Variants in PEX13 observed in about 807,000 individuals in gnomAD.
The protein encoded by PEX13 is peroxisomal biogenesis factor 13, also known as peroxisome biogenesis factor 13.
A neutral mutation model predicts 34.5 loss-of-function variants in PEX13; 28 were observed. The observed-to-expected ratio is 0.81, with a 90% confidence interval of 0.60 to 1.11. The LOEUF (loss-of-function observed/expected upper bound fraction) is 1.11. PEX13 is among the 50% of genes most tolerant of loss of function. The pLI, the probability that PEX13 is intolerant of heterozygous loss-of-function variation, is 0.00. For synonymous variants in PEX13, 177 were observed against 175.1 expected (o/e 1.01, Z -0.09); for missense variants, 550 against 491.0 (o/e 1.12, Z -1.13).
chr2:61,036,445 A>T (rs1680536919), intron 2 of PEX13, among the ~76,000 whole-genome samples: 1 of 152,240 alleles, frequency 6.6e-6, no homozygotes, highest in South Asian at 2.1e-4. Context: ...CAGAAACCCT[A>T]CAAGCCAGAA....
chr2:61,031,446 G>T lies in PEX13; in HGVS notation c.120G>T (p.Met40Ile), dbSNP rs1403355155. 3.7e-6 allele frequency: 6 copies of T among 1,613,972 alleles called. No homozygotes were observed. Among genetic ancestry groups the T allele is most frequent in the Non-Finnish European group, 5.1e-6 (6 of 1,179,976 alleles). Reference protein sequence around the residue: ...FQSADLGPTLMTRPGQPALTR... With the variant: ...FQSADLGPTLITRPGQPALTR... ...CTGCTGATTTGGGTCCTACTTTAAT[G>T]ACAAGACCTGGACAACCAGCACTTA... The change falls in exon 2 of 4, where the codon ATG becomes ATT. Residue 40 changes from methionine (M) to isoleucine (I), a missense_variant. Physicochemically the swap from Met to Ile is conservative, Grantham distance 10 (BLOSUM62 1). Transcript: ENST00000295030.
At chr2:61,032,678 T>C (rs1680471963) in intron 2 of PEX13, among the ~76,000 whole-genome samples, 1 of 152,198 alleles carries the variant, frequency 6.6e-6, no homozygotes, top group South Asian at 2.1e-4. Flanking sequence ...CCAGGACTGG[T>C]TGAATGTTAA....
At chr2:61,027,374 A>C (rs565705124) in intron 1 of PEX13, among the ~76,000 whole-genome samples, 2 of 151,390 alleles carry the variant, frequency 1.3e-5, no homozygotes, top group Admixed American at 6.6e-5. Context: ...CACACACACA[A>C]AAACAGCGAG....
chr2:61,041,486 T>G (rs903194191), intron 2 of PEX13, among the ~76,000 whole-genome samples: 1 of 152,172 alleles, frequency 6.6e-6, no homozygotes, highest in African/African-American at 2.4e-5. Context: ...TGATGAATGA[T>G]GTAAGGTTCT....
intron 2 of PEX13, among the ~76,000 whole-genome samples, chr2:61,034,383 C>A (rs1379568455): frequency 6.6e-6 from 1 of 152,222 alleles, no homozygotes; most frequent in East Asian, 1.9e-4. Flanking sequence ...CAGCTCCCAG[C>A]AAGATCGACG....
chr2:61,026,469 A>G (rs1680357281), intron 1 of PEX13, among the ~76,000 whole-genome samples: 1 of 146,778 alleles, frequency 6.8e-6, no homozygotes, highest in South Asian at 2.1e-4. Context: ...TGCCTCAGCC[A>G]CCCGAGGAGC....
In PEX13 at chr2:61,046,849, T is replaced by C. The variant is rs575403131; in HGVS notation, c.913+998T>C. ...CATTTTTTGCAGGGAAGAAATACTT[T>C]CAATGTTCAAATCATTACTATGTAA... On this transcript the variant is annotated intron_variant, in intron 3 of 3. Coordinates refer to ENST00000295030, the MANE Select transcript of PEX13 (RefSeq NM_002618.4). 2.0e-5 allele frequency among the ~76,000 whole-genome samples: 3 copies of C among 152,332 alleles called. No homozygotes were observed. The East Asian group carries it at 5.8e-4, about 29-fold the overall frequency.
At chr2:61,042,050 C>CAA (rs1680634157) in intron 2 of PEX13, among the ~76,000 whole-genome samples, 1 of 152,192 alleles carries the variant, frequency 6.6e-6, no homozygotes, top group Non-Finnish European at 1.5e-5. Context: ...ATCTGGCCTG[C>CAA]TCCTATTTTT....
chr2:61,037,307 C>T (rs572303131), intron 2 of PEX13, among the ~76,000 whole-genome samples: 26 of 152,312 alleles, frequency 1.7e-4, no homozygotes, highest in Middle Eastern at 3.4e-3. Context: ...CCCAAATCAA[C>T]AGAGTATACA....
rs1278142700 is a variant in PEX13, at chr2:61,051,988, T to C, written c.*3218T>C. The C allele has an allele frequency of 1.3e-5, 2 of 152,364 alleles. No individual in the cohort carries two copies. Among genetic ancestry groups the C allele is most frequent in the African/African-American group, 4.8e-5 (2 of 41,462 alleles). The allele number at this position is 152,364 out of a possible 1,614,324, so 9.4% of individuals were successfully genotyped here. A position where few individuals can be genotyped will look rare whatever the true frequency, so the allele number is the denominator to read the frequency against. On this transcript the variant is annotated 3_prime_UTR_variant, in exon 4 of 4. Transcript: ENST00000295030. ...TGGAGAAATAAAAATATGTTAAACT[T>C]GATTGACTTTTTAAGATAAATTGTT...
intron 1 of PEX13, among the ~76,000 whole-genome samples, chr2:61,027,285 G>A (rs1342548395): frequency 5.3e-5 from 8 of 150,472 alleles, no homozygotes; most frequent in Non-Finnish European, 1.0e-4. Context: ...GTTGCAGTGA[G>A]CCGTGATTGC....
Position 61,051,890 on chromosome 2 carries a change from T to C in PEX13, c.*3120T>C, listed in dbSNP as rs1405789112. The C allele has an allele frequency of 6.6e-6, 1 of 152,376 alleles. No individual in the cohort carries two copies. The highest frequency in any genetic ancestry group is 1.5e-5 in the Non-Finnish European group (1 of 68,046). The allele number at this position is 152,376 out of a possible 1,614,324, so 9.4% of individuals were successfully genotyped here. A position where few individuals can be genotyped will look rare whatever the true frequency, so the allele number is the denominator to read the frequency against. ...CAGCTATCCTTTATCTTGTGCTTTC[T>C]TTAATAGAAAAATGAACAGAAACTG... On this transcript the variant is annotated 3_prime_UTR_variant, in exon 4 of 4. Transcript: ENST00000295030.
chr2:61,047,248 C>T (rs982283954), intron 3 of PEX13, among the ~76,000 whole-genome samples: 12 of 152,084 alleles, frequency 7.9e-5, no homozygotes, highest in East Asian at 3.9e-4. Context: ...CTCCGCCTCC[C>T]GGGTTCAAGT....
rs1299141329 is a variant in PEX13 at position 61,031,865 on chromosome 2, C to G, written c.539C>G (p.Ser180Ter). ...RLKIHFTKVF[S>*]AFALVRTIRY... ...AAAATACACTTTACAAAAGTGTTTT[C>G]AGCTTTTGCATTGGTTAGGACTATA... The change falls in exon 2 of 4, where the codon TCA becomes TGA. Residue 180 changes from serine to a stop codon, truncating the protein, a stop_gained. Coordinates refer to ENST00000295030, the MANE Select transcript of PEX13 (RefSeq NM_002618.4). LOFTEE classifies it high-confidence loss of function. 6.2e-7 allele frequency: 1 copy of G among 1,612,004 alleles called. No individual in the cohort carries two copies. The highest frequency in any genetic ancestry group is 1.1e-5 in the South Asian group (1 of 91,048).
intron 1 of PEX13, among the ~76,000 whole-genome samples, chr2:61,021,191 A>T (rs1479288387): frequency 1.3e-5 from 2 of 152,156 alleles, no homozygotes; most frequent in Non-Finnish European, 2.9e-5. Flanking sequence ...CACCCCATGG[A>T]GGGTGAGCCA....
intron 2 of PEX13, among the ~76,000 whole-genome samples, chr2:61,034,262 G>C (rs758270845): frequency 1.6e-4 from 25 of 152,182 alleles, no homozygotes; most frequent in Non-Finnish European, 3.2e-4. Flanking sequence ...CTCCCAAAGT[G>C]CTAGGATTAC....
chr2:61,019,373 G>A (rs1004336988), intron 1 of PEX13, among the ~76,000 whole-genome samples: 1 of 151,760 alleles, frequency 6.6e-6, no homozygotes, highest in Non-Finnish European at 1.5e-5. Flanking sequence ...ATTTTTCACT[G>A]TGTGGCTTCT....
intron 1 of PEX13, among the ~76,000 whole-genome samples, chr2:61,022,601 G>A (rs960674130): frequency 1.1e-4 from 16 of 152,284 alleles, no homozygotes; most frequent in Non-Finnish European, 2.4e-4. Flanking sequence ...AGTTGGAGTG[G>A]TTCACATTTG....
At chr2:61,027,210 C>T (rs942085332) in intron 1 of PEX13, among the ~76,000 whole-genome samples, 3 of 150,048 alleles carry the variant, frequency 2.0e-5, no homozygotes, top group Non-Finnish European at 4.4e-5. Flanking sequence ...TGGTGGTGCA[C>T]GCCTGTAGTC....
Sources: gnomAD v4.1 joint callset for allele counts (sites outside exome capture counted in the v4.1 genomes callset) on GRCh38, gnomAD v4.1.1 for gene constraint, MANE v1.5 for transcripts, NCBI Gene and HGNC (gene_info 2026-07-23, HGNC 2026-07-21) for gene names.